Variants in PRKCH observed in about 807,000 individuals in gnomAD.
PRKCH encodes protein kinase C eta.
A neutral mutation model predicts 82.5 loss-of-function variants in PRKCH; 28 were observed. The ratio of observed to expected loss-of-function variants is 0.34; its 90% confidence interval spans 0.25 to 0.47. The LOEUF (loss-of-function observed/expected upper bound fraction) is 0.47, where lower values mean the gene tolerates loss of function less well. Ranked by LOEUF, PRKCH falls within the 20% of genes least tolerant of loss-of-function variation. PRKCH has a pLI of 1.00. For synonymous variants in PRKCH, 322 were observed against 327.4 expected (o/e 0.98, Z 0.18); for missense variants, 705 against 881.8 (o/e 0.80, Z 2.54).
At chr14:61,381,908 GGCTGGT>G (rs2046517111) in intron 1 of PRKCH, among the ~76,000 whole-genome samples, 2 of 152,316 alleles carry the variant, frequency 1.3e-5, no homozygotes, top group South Asian at 4.1e-4. Flanking sequence ...CCTCAAGGGA[GGCTGGT>G]GCGGCACCAG....
At chr14:61,375,676 A>G (rs2046419909) in intron 1 of PRKCH, among the ~76,000 whole-genome samples, 1 of 152,018 alleles carries the variant, frequency 6.6e-6, no homozygotes, top group African/African-American at 2.4e-5. Flanking sequence ...ACTGACTATC[A>G]TGAGAACAGC....
At chr14:61,283,292 C>G (rs1271788847) in intron 1 of PRKCH, among the ~76,000 whole-genome samples, 1 of 152,120 alleles carries the variant, frequency 6.6e-6, no homozygotes, top group Non-Finnish European at 1.5e-5. Context: ...CCTAAAGGTA[C>G]TAGTTTATTC....
chr14:61,453,117 C>T (rs766409617), intron 6 of PRKCH, 109 bp from the exon 7 acceptor site: 60 of 1,343,352 alleles, frequency 4.5e-5, no homozygotes, highest in Admixed American at 3.8e-4. Context: ...ACTGTTCAGC[C>T]GGTATAATTC....
At chr14:61,511,311 C>T (rs1456817581) in intron 10 of PRKCH, among the ~76,000 whole-genome samples, 7 of 152,070 alleles carry the variant, frequency 4.6e-5, no homozygotes, top group African/African-American at 1.7e-4. Context: ...AGGGTGAATA[C>T]CTGCTGCAAA....
chr14:61,489,688 C>T (rs1462974204), intron 10 of PRKCH, among the ~76,000 whole-genome samples: 1 of 152,224 alleles, frequency 6.6e-6, no homozygotes, highest in Admixed American at 6.5e-5. Context: ...GAAGACTATT[C>T]ATTCTTTTGT....
At chr14:61,443,374 G>C in intron 3 of PRKCH, 113 bp downstream of exon 3, 1 of 1,171,038 alleles carries the variant, frequency 8.5e-7, no homozygotes, top group African/African-American at 1.6e-5. Flanking sequence ...TTCAGGATCT[G>C]ATTTTTGCCT....
intron 9 of PRKCH, among the ~76,000 whole-genome samples, chr14:61,458,949 T>C (rs1031403407): frequency 3.9e-5 from 6 of 152,078 alleles, no homozygotes; most frequent in Non-Finnish European, 8.8e-5. Flanking sequence ...CCAAACCATA[T>C]CATGCCCTTA....
At chr14:61,236,411 A>G (rs1030754955) in intron 1 of PRKCH, among the ~76,000 whole-genome samples, 5 of 151,916 alleles carry the variant, frequency 3.3e-5, no homozygotes, top group African/African-American at 1.2e-4. Flanking sequence ...AACAGGTTGC[A>G]GTAAAGAAGC....
At chr14:61,197,952 C>G (rs909781108) in intron 1 of PRKCH, among the ~76,000 whole-genome samples, 3 of 152,094 alleles carry the variant, frequency 2.0e-5, no homozygotes, top group African/African-American at 7.2e-5. Flanking sequence ...CAATCAAATC[C>G]TTGACATTCT....
intron 2 of PRKCH, among the ~76,000 whole-genome samples, chr14:61,423,978 T>TG (rs1351220384): frequency 6.6e-6 from 1 of 152,136 alleles, no homozygotes; most frequent in Admixed American, 6.5e-5. Context: ...GCTGTTCTTG[T>TG]GATAGTGAGG....
Position 61,549,703 on chromosome 14 carries a change from A to C in PRKCH, c.1924A>C (p.Ser642Arg), listed in dbSNP as rs1390131609. 1 of 1,612,312 alleles carries C rather than the reference A, an allele frequency of 6.2e-7. No homozygotes were observed. Among genetic ancestry groups the C allele is most frequent in the Non-Finnish European group, 8.5e-7 (1 of 1,179,708 alleles). ...TTGGCAGAAATCCCGAGAAGATGTC[A>C]GTAATTTTGACCCTGACTTCATAAA... ...RPRIKSREDVSNFDPDFIKEE... is the reference protein window; with the variant it reads ...RPRIKSREDVRNFDPDFIKEE... The change falls in exon 14 of 14, where the codon AGT becomes CGT. Residue 642 changes from serine to arginine, a missense_variant. Physicochemically the swap from Ser to Arg is moderately radical, Grantham distance 110 (BLOSUM62 -1). Coordinates refer to ENST00000332981, the MANE Select transcript of PRKCH (RefSeq NM_006255.5).
chr14:61,211,458 T>A (rs1189384719), intron 1 of PRKCH, among the ~76,000 whole-genome samples: 2 of 152,220 alleles, frequency 1.3e-5, no homozygotes, highest in East Asian at 3.9e-4. Flanking sequence ...CCACGTGTTC[T>A]TGTATAGCTT....
intron 1 of PRKCH, chr14:61,361,137 C>T (rs2140160976): frequency 6.6e-6 from 1 of 151,796 alleles, no homozygotes; most frequent in East Asian, 1.9e-4. Context: ...TCAGTGGGTT[C>T]TTCCCTCAAC....
intron 1 of PRKCH, among the ~76,000 whole-genome samples, chr14:61,290,626 A>C (rs1292884406): frequency 1.3e-5 from 2 of 152,188 alleles, no homozygotes; most frequent in Admixed American, 6.5e-5. Flanking sequence ...GCTTCTAAGA[A>C]AGACAGGGTT....
Position 61,531,002 on chromosome 14 carries a change from GA to G in PRKCH, c.1761+408del, listed in dbSNP as rs1330760814. ...TTCTGTTGGCATCTTCAAGTTGCAG[GA>G]TGAAGCGGTCGGGTCTTTCTCTTAG... is the stretch of plus-strand genomic sequence containing the variant. On this transcript the variant is annotated intron_variant, in intron 12 of 13. Coordinates refer to ENST00000332981, the MANE Select transcript of PRKCH (RefSeq NM_006255.5). 2.0e-5 allele frequency among the ~76,000 whole-genome samples: 3 copies of G among 152,340 alleles called. No individual in the cohort carries two copies. The South Asian group carries it at 6.2e-4, about 32-fold the overall frequency.
intron 1 of PRKCH, among the ~76,000 whole-genome samples, chr14:61,373,547 T>A (rs1025076893): frequency 5.3e-5 from 8 of 151,796 alleles, no homozygotes; most frequent in Non-Finnish European, 8.8e-5. Context: ...CCCTCCCAAA[T>A]CTCATGTCCT....
intron 2 of PRKCH, chr14:61,442,468 GACGC>G (rs1884022910): frequency 6.6e-6 from 1 of 152,230 alleles, no homozygotes. Context: ...CTCATAGATA[GACGC>G]GAGGTCACAG....
chr14:61,428,018 A>C (rs1883196438), intron 2 of PRKCH, among the ~76,000 whole-genome samples: 1 of 146,954 alleles, frequency 6.8e-6, no homozygotes, highest in African/African-American at 2.5e-5. Context: ...ACATGGTGAA[A>C]CCTCATCTCC....
rs1335053986 is a variant in PRKCH, at chr14:61,272,340, C to CTTTTTTTTTTTTTTTTTTT, written c.-19+84675_-19+84676insTTTTTTTTTTTTTTTTTTT. Reference sequence around the variant, plus strand: ...TAGATTTCTTTTTCTTTTCTTTTTTCTTTCTTTTTTTTTTTTTTTTTTTTT... The same window carrying CTTTTTTTTTTTTTTTTTTT: ...TAGATTTCTTTTTCTTTTCTTTTTTCTTTTTTTTTTTTTTTTTTTTTTCTTTTTTTTTTTTTTTTTTTTT... On this transcript the variant is annotated intron_variant, in intron 1 of 3. Transcript: ENST00000555185. Among the ~76,000 whole-genome samples the CTTTTTTTTTTTTTTTTTTT allele has an allele frequency of 4.1e-5, 4 of 97,838 alleles. 2 individuals carry two copies. Among genetic ancestry groups the CTTTTTTTTTTTTTTTTTTT allele is most frequent in the Non-Finnish European group, 3.8e-5 (2 of 52,830 alleles). 64.2% of individuals were successfully genotyped at this position (97,838 alleles called of 152,430 possible). A position where few individuals can be genotyped will look rare whatever the true frequency, so the allele number is the denominator to read the frequency against.
Sources: gnomAD v4.1 joint callset for allele counts (sites outside exome capture counted in the v4.1 genomes callset) on GRCh38, gnomAD v4.1.1 for gene constraint, MANE v1.5 for transcripts, NCBI Gene and HGNC (gene_info 2026-07-23, HGNC 2026-07-21) for gene names.